The following DOCK3 variants were observed in gnomAD, a reference collection of about 807,000 sequenced individuals.
DOCK3 encodes dedicator of cytokinesis 3.
In DOCK3, 60 loss-of-function variants were observed where a neutral mutation model predicts 265.6. The ratio of observed to expected loss-of-function variants is 0.23; its 90% CI spans 0.18 to 0.28. The LOEUF is 0.28. Among genes scored for constraint, DOCK3 ranks in the 10% least tolerant of loss-of-function variants. The probability of loss-of-function intolerance (pLI) is 1.00; values close to 1 mark genes in which losing one functional copy is unlikely to be tolerated. For synonymous variants in DOCK3, 881 were observed against 938.0 expected, an observed-to-expected ratio of 0.94 and a Z score of 1.11; for missense variants, 1,981 against 2,594.3, an observed-to-expected ratio of 0.76 and a Z score of 5.14.
intron 25 of DOCK3, among the ~76,000 whole-genome samples, chr3:51,277,160 T>C (rs919877001): frequency 1.3e-5 from 2 of 152,234 alleles, no homozygotes; most frequent in African/African-American, 4.8e-5. Context: ...CTTCTGTGCA[T>C]TAGTGCTATG....
chr3:51,264,352 A>G (rs143959569), intron 23 of DOCK3, among the ~76,000 whole-genome samples: 168 of 152,294 alleles, frequency 1.1e-3, no homozygotes, highest in African/African-American at 3.8e-3. Context: ...TTTGAAACCA[A>G]TGAGAACAAA....
At chr3:51,136,747 C>A (rs1223437570) in intron 9 of DOCK3, among the ~76,000 whole-genome samples, 3 of 152,260 alleles carry the variant, frequency 2.0e-5, no homozygotes, top group East Asian at 3.9e-4. Flanking sequence ...AGAACCCTTG[C>A]ATTATACCAG....
At chr3:50,932,026 A>G (rs148868488) in intron 4 of DOCK3, among the ~76,000 whole-genome samples, 101 of 152,218 alleles carry the variant, frequency 6.6e-4, no homozygotes, top group African/African-American at 2.4e-3. Flanking sequence ...GTCAAAATTG[A>G]TGCTTCTTGG....
chr3:51,362,643 G>A lies in DOCK3; in HGVS notation c.5262G>A (p.Gln1754=), dbSNP rs551528067. 158 of 1,613,742 alleles carry A rather than the reference G, an allele frequency of 9.8e-5. No homozygotes were observed. The highest frequency in any genetic ancestry group is 6.6e-5 in the Non-Finnish European group (78 of 1,179,856). Residue 1754 remains glutamine, a synonymous_variant, in exon 49 of 53, where the codon CAG becomes CAA. Coordinates refer to ENST00000266037, the MANE Select transcript of DOCK3 (RefSeq NM_004947.5). ...GTTCCACTCACTCAGCACCATCCCA[G>A]ATGATTACCTCTGCCCCTTCCAGTG... The part of the protein sequence containing the change: ...SLSSTHSAPS[Q]MITSAPSSAR...
At chr3:51,250,319 C>T (rs1454810782) in intron 22 of DOCK3, among the ~76,000 whole-genome samples, 1 of 148,862 alleles carries the variant, frequency 6.7e-6, no homozygotes, top group African/African-American at 2.5e-5. Context: ...AAAAACAAAA[C>T]AAAACAAAAC....
intron 5 of DOCK3, among the ~76,000 whole-genome samples, chr3:51,016,657 A>G (rs1468448385): frequency 3.1e-5 from 3 of 95,562 alleles, no homozygotes; most frequent in East Asian, 2.8e-4. Context: ...ATATGTTTAT[A>G]TATATTATAT....
At chr3:51,268,466 T>C (rs2080316761) in intron 23 of DOCK3, among the ~76,000 whole-genome samples, 1 of 152,238 alleles carries the variant, frequency 6.6e-6, no homozygotes, top group Admixed American at 6.5e-5. Context: ...TTTTATGTAA[T>C]AGTGTATAGT....
chr3:51,077,062 T>C (rs1447325712), intron 7 of DOCK3, among the ~76,000 whole-genome samples: 1 of 151,948 alleles, frequency 6.6e-6, no homozygotes, highest in Non-Finnish European at 1.5e-5. Context: ...GAATATAAAA[T>C]GCAAAAGACT....
intron 5 of DOCK3, among the ~76,000 whole-genome samples, chr3:51,059,259 C>T (rs992228142): frequency 1.3e-5 from 2 of 152,100 alleles, no homozygotes; most frequent in African/African-American, 2.4e-5. Context: ...ATCCCATTCA[C>T]GAGGGCTTGG....
intron 6 of DOCK3, among the ~76,000 whole-genome samples, chr3:51,069,008 A>C (rs4615113): frequency 0.9 from 137,142 of 152,178 alleles, 61,990 homozygotes; most frequent in African/African-American, 0.95. Context: ...ATTTGGCCTA[A>C]AATTTGAATA....
chr3:50,717,649 G>A (rs567396115), intron 1 of DOCK3, among the ~76,000 whole-genome samples: 64 of 152,276 alleles, frequency 4.2e-4, no homozygotes, highest in Middle Eastern at 3.4e-3. Context: ...TTGAGACGGA[G>A]TCTCACTCTG....
chr3:51,104,457 A>T (rs190838644), intron 9 of DOCK3, among the ~76,000 whole-genome samples: 3 of 152,330 alleles, frequency 2.0e-5, no homozygotes, highest in East Asian at 3.9e-4. Flanking sequence ...TGTAGTAGCC[A>T]TGTTGACAGT....
intron 6 of DOCK3, among the ~76,000 whole-genome samples, chr3:51,065,706 T>G (rs375849804): frequency 6.9e-4 from 105 of 152,330 alleles, no homozygotes; most frequent in African/African-American, 2.4e-3. Context: ...CTCCACATTC[T>G]GGCATTTAAG....
At chr3:50,783,139 C>T (rs1016487398) in intron 2 of DOCK3, among the ~76,000 whole-genome samples, 5 of 151,922 alleles carry the variant, frequency 3.3e-5, no homozygotes, top group Admixed American at 1.3e-4. Context: ...TATAAACATG[C>T]GTGTGCATGC....
chr3:51,366,467 G>GT (rs537248123), intron 49 of DOCK3, among the ~76,000 whole-genome samples: 39 of 152,116 alleles, frequency 2.6e-4, no homozygotes, highest in African/African-American at 9.4e-4. Flanking sequence ...TTTTTGAAGG[G>GT]TTTTTTGTAT....
chr3:50,676,116 A>G (rs2033938453), intron 1 of DOCK3, among the ~76,000 whole-genome samples: 1 of 152,184 alleles, frequency 6.6e-6, no homozygotes, highest in South Asian at 2.1e-4. Context: ...TCAGTTAGAA[A>G]CAGATTTAAA....
At chr3:50,823,350 T>C (rs2044563692) in intron 2 of DOCK3, among the ~76,000 whole-genome samples, 1 of 152,130 alleles carries the variant, frequency 6.6e-6, no homozygotes, top group South Asian at 2.1e-4. Context: ...TACTTGAGAT[T>C]AGGGAGTGGT....
chr3:51,349,310 A>T (rs1176396649), intron 39 of DOCK3, among the ~76,000 whole-genome samples: 1 of 152,180 alleles, frequency 6.6e-6, no homozygotes, highest in African/African-American at 2.4e-5. Flanking sequence ...GCTTATGGTC[A>T]CTTTTAAGCA....
chr3:51,034,467 T>G (rs920905432), intron 5 of DOCK3, among the ~76,000 whole-genome samples: 1 of 152,118 alleles, frequency 6.6e-6, no homozygotes. Flanking sequence ...GAGTTAGTAT[T>G]GTTCCACTTC....
Sources: gnomAD v4.1 joint callset for allele counts (sites outside exome capture counted in the v4.1 genomes callset) on GRCh38, gnomAD v4.1.1 for gene constraint, MANE v1.5 for transcripts, NCBI Gene and HGNC (gene_info 2026-07-23, HGNC 2026-07-21) for gene names.